The following GBE1 variants were observed in gnomAD, a reference collection of about 807,000 sequenced individuals.
GBE1 encodes 1,4-alpha-glucan branching enzyme 1.
A neutral mutation model predicts 88.8 loss-of-function variants in GBE1; 70 were observed. The ratio of observed to expected loss-of-function variants is 0.79; its 90% confidence interval spans 0.65 to 0.96. The LOEUF (loss-of-function observed/expected upper bound fraction) is 0.96. Ranked by LOEUF, GBE1 falls within the 40% of genes least tolerant of loss-of-function variation. The probability of loss-of-function intolerance (pLI) is 0.00; values close to 1 mark genes in which losing one functional copy is unlikely to be tolerated. For missense variants in GBE1, 872 were observed against 871.0 expected (o/e 1.00, Z -0.01); for synonymous variants, 284 against 300.1 (o/e 0.95, Z 0.56).
chr3:81,758,337 T>C (rs1706631464), intron 1 of GBE1, among the ~76,000 whole-genome samples: 1 of 152,238 alleles, frequency 6.6e-6, no homozygotes, highest in African/African-American at 2.4e-5. Flanking sequence ...CAAATGCCAA[T>C]TCTCTGTTTC....
intron 3 of GBE1, among the ~76,000 whole-genome samples, chr3:81,657,382 C>G (rs1704956913): frequency 6.9e-6 from 1 of 145,096 alleles, no homozygotes; most frequent in African/African-American, 2.5e-5. Context: ...AATCAGTGAA[C>G]AAAAAAAAAA....
intron 1 of GBE1, among the ~76,000 whole-genome samples, chr3:81,716,796 G>C (rs1705943731): frequency 6.6e-6 from 1 of 152,152 alleles, no homozygotes; most frequent in Non-Finnish European, 1.5e-5. Flanking sequence ...TTGGTTGCAA[G>C]CAAATTAATA....
chr3:81,547,670 TC>T (rs1703225889), intron 12 of GBE1, among the ~76,000 whole-genome samples: 1 of 143,610 alleles, frequency 7.0e-6, no homozygotes, highest in Non-Finnish European at 1.6e-5. Flanking sequence ...TCTCTCTCTT[TC>T]TCCCTCTGGG....
chr3:81,573,466 G>A (rs1259687357), intron 12 of GBE1, among the ~76,000 whole-genome samples: 2 of 152,120 alleles, frequency 1.3e-5, no homozygotes. Flanking sequence ...CTGCTTATCT[G>A]TATCACTGAA....
At chr3:81,749,159 T>C (rs1490099631) in intron 1 of GBE1, among the ~76,000 whole-genome samples, 2 of 152,042 alleles carry the variant, frequency 1.3e-5, no homozygotes, top group African/African-American at 4.8e-5. Context: ...TTAGGTTTAC[T>C]GTAATATTTG....
chr3:81,696,175 G>C (rs758613483), intron 2 of GBE1, among the ~76,000 whole-genome samples: 2 of 152,134 alleles, frequency 1.3e-5, no homozygotes, highest in African/African-American at 2.4e-5. Context: ...TGAAGAGAGA[G>C]CTACAGATTC....
In GBE1 at chr3:81,558,414, T is replaced by C. The variant is rs185915561; in HGVS notation, c.1618+19511A>G. On this transcript the variant is annotated intron_variant, in intron 12 of 15. Coordinates refer to ENST00000429644, the MANE Select transcript of GBE1 (RefSeq NM_000158.4). ...CAAATATATATCATCTATCTATCTA[T>C]CTATCTATCTCATCAAGTTGCAAAG... Among the ~76,000 whole-genome samples the C allele has an allele frequency of 1.4e-4, 22 of 152,148 alleles. No individual in the cohort carries two copies. The East Asian group carries it at 3.7e-3, about 25-fold the overall frequency.
chr3:81,519,180 C>A (rs1702839078), intron 14 of GBE1, among the ~76,000 whole-genome samples: 1 of 151,576 alleles, frequency 6.6e-6, no homozygotes, highest in African/African-American at 2.4e-5. Flanking sequence ...GTAAATCATC[C>A]AAGTGACCTT....
chr3:81,681,598 T>C (rs1273945245), intron 2 of GBE1, among the ~76,000 whole-genome samples: 1 of 152,188 alleles, frequency 6.6e-6, no homozygotes, highest in Admixed American at 6.5e-5. Flanking sequence ...GTTTCTAATA[T>C]AGCTAGCAAT....
rs537750934 is a variant in GBE1 at position 81,551,028 on chromosome 3, A to T, written c.1619-13933T>A. Among the ~76,000 whole-genome samples the T allele has an allele frequency of 3.3e-5, 5 of 152,152 alleles. No individual in the cohort carries two copies. The South Asian group carries it at 6.2e-4, about 19-fold the overall frequency. ...TATAGGGACCCTTTTCTGGTAACAG[A>T]TTCACTGTTTTAAAACAAAATGCTT... On this transcript the variant is annotated intron_variant, in intron 12 of 15. Coordinates refer to ENST00000429644, the MANE Select transcript of GBE1 (RefSeq NM_000158.4).
rs1274058243 is a variant in GBE1 at position 81,750,655 on chromosome 3, A to ATGTG, written c.143+10719_143+10720insCACA. The stretch of plus-strand genomic sequence containing the variant: ...CGTATATATATATATGTATATATAT[A>ATGTG]TATGTATATATATATATACGTATAT... On this transcript the variant is annotated intron_variant, in intron 1 of 15. Coordinates refer to ENST00000429644, the MANE Select transcript of GBE1 (RefSeq NM_000158.4). Among the ~76,000 whole-genome samples the ATGTG allele has an allele frequency of 6.1e-3, 334 of 54,646 alleles. 36 individuals are homozygous for ATGTG. The highest frequency in any genetic ancestry group is 0.044 in the African/African-American group (304 of 6,950). 35.8% of individuals were successfully genotyped at this position (54,646 alleles called of 152,430 possible).
At chr3:81,685,975 G>A (rs550569314) in intron 2 of GBE1, among the ~76,000 whole-genome samples, 48 of 152,020 alleles carry the variant, frequency 3.2e-4, no homozygotes, top group African/African-American at 1.1e-3. Context: ...TGAAAATTTC[G>A]AGTCCCAACA....
chr3:81,700,191 G>A (rs1705666552), intron 2 of GBE1, among the ~76,000 whole-genome samples: 1 of 152,136 alleles, frequency 6.6e-6, no homozygotes, highest in East Asian at 1.9e-4. Context: ...TTTGTAAAAT[G>A]TCATGCCACA....
chr3:81,554,096 G>A (rs573674180), intron 12 of GBE1, among the ~76,000 whole-genome samples: 3 of 152,156 alleles, frequency 2.0e-5, no homozygotes, highest in Admixed American at 2.0e-4. Flanking sequence ...GCTTTCACCA[G>A]TCATTTTGAG....
At chr3:81,562,281 T>G (rs1367871664) in intron 12 of GBE1, among the ~76,000 whole-genome samples, 1 of 152,144 alleles carries the variant, frequency 6.6e-6, no homozygotes, top group African/African-American at 2.4e-5. Flanking sequence ...TTGATTTGTT[T>G]GATAGACCAC....
At chr3:81,706,754 G>C (rs373752437) in intron 1 of GBE1, among the ~76,000 whole-genome samples, 8 of 151,926 alleles carry the variant, frequency 5.3e-5, no homozygotes, top group African/African-American at 1.9e-4. Context: ...AAACTCAAAA[G>C]AATAAGAGCT....
At chr3:81,607,917 CGTA>C (rs1158889026) in intron 7 of GBE1, among the ~76,000 whole-genome samples, 2 of 151,872 alleles carry the variant, frequency 1.3e-5, no homozygotes, top group Non-Finnish European at 2.9e-5. Context: ...TAAATTTTAT[CGTA>C]GGACAGCATA....
intron 12 of GBE1, among the ~76,000 whole-genome samples, chr3:81,567,121 G>A (rs1703505945): frequency 6.6e-6 from 1 of 152,090 alleles, no homozygotes; most frequent in Non-Finnish European, 1.5e-5. Context: ...CATCCCCTCA[G>A]AATCAGTCTC....
intron 7 of GBE1, among the ~76,000 whole-genome samples, chr3:81,626,501 G>C (rs1375087): frequency 0.62 from 94,856 of 151,888 alleles, 30,647 homozygotes; most frequent in East Asian, 0.94. Flanking sequence ...GCGTTCCTGA[G>C]GAACTGATTT....
Sources: gnomAD v4.1 joint callset for allele counts (sites outside exome capture counted in the v4.1 genomes callset) on GRCh38, gnomAD v4.1.1 for gene constraint, MANE v1.5 for transcripts, NCBI Gene and HGNC (gene_info 2026-07-23, HGNC 2026-07-21) for gene names.